The following MINDY3 variants were observed in gnomAD, a reference collection of about 807,000 sequenced individuals.
MINDY3 encodes ubiquitin carboxyl-terminal hydrolase MINDY-3.
In MINDY3, 38 loss-of-function variants were observed where a neutral mutation model predicts 69.2. That is an observed-to-expected ratio of 0.55 (90% CI 0.42 to 0.72). The LOEUF is 0.72. Among genes scored for constraint, MINDY3 ranks in the 30% least tolerant of loss-of-function variants. MINDY3 has a pLI of 0.00. For missense variants in MINDY3, 522 were observed against 519.0 expected (o/e 1.01, Z -0.06); for synonymous variants, 192 against 180.1 (o/e 1.07, Z -0.53).
intron 10 of MINDY3, among the ~76,000 whole-genome samples, chr10:15,806,722 G>C (rs76598581): frequency 0.035 from 5,292 of 152,198 alleles, 316 homozygotes; most frequent in African/African-American, 0.12. Context: ...TCAACCTTTG[G>C]TTTCATCTTA....
chr10:15,833,529 T>G (rs910158201), intron 8 of MINDY3, 101 bp downstream of exon 8: 3 of 710,664 alleles, frequency 4.2e-6, no homozygotes, highest in African/African-American at 3.6e-5. Flanking sequence ...ACACTTAACC[T>G]CTAGGTAATG....
At chr10:15,837,426 A>T (rs1043070728) in intron 5 of MINDY3, 108 bp from the exon 6 acceptor site, 1 of 1,246,122 alleles carries the variant, frequency 8.0e-7, no homozygotes, top group Non-Finnish European at 1.1e-6. Flanking sequence ...ACATACAAAC[A>T]GGAAAGTTTT....
chr10:15,838,923 C>G (rs976989759), intron 4 of MINDY3, among the ~76,000 whole-genome samples: 3 of 151,674 alleles, frequency 2.0e-5, no homozygotes, highest in African/African-American at 7.2e-5. Context: ...CCCTACATGT[C>G]TTACCTCATT....
chr10:15,845,423 G>T (rs1833761560), intron 2 of MINDY3, among the ~76,000 whole-genome samples: 1 of 152,066 alleles, frequency 6.6e-6, no homozygotes, highest in African/African-American at 2.4e-5. Flanking sequence ...CTCACTTCTG[G>T]TCTCCTTAAT....
chr10:15,782,151 A>G lies in MINDY3; in HGVS notation c.1188+4T>C. 1.9e-6 allele frequency: 3 copies of G among 1,602,186 alleles called. No individual in the cohort carries two copies. The highest frequency in any genetic ancestry group is 1.7e-6 in the Non-Finnish European group (2 of 1,170,604). On this transcript the variant is annotated splice_donor_region_variant and intron_variant, in intron 14 of 14. Transcript: ENST00000277632. Reference sequence around the variant, plus strand: ...AACACCGACGACTACGTGAATTATCATACCTTTTCATTATAATTTGACTGC... The same window carrying G: ...AACACCGACGACTACGTGAATTATCGTACCTTTTCATTATAATTTGACTGC...
chr10:15,847,028 G>T (rs1833899152), intron 2 of MINDY3, among the ~76,000 whole-genome samples: 1 of 151,932 alleles, frequency 6.6e-6, no homozygotes, highest in Non-Finnish European at 1.5e-5. Flanking sequence ...TGGCCAGAAT[G>T]CATTCTTAAT....
At chr10:15,851,627 C>T (rs769904239) in intron 1 of MINDY3, among the ~76,000 whole-genome samples, 4 of 152,046 alleles carry the variant, frequency 2.6e-5, no homozygotes, top group Non-Finnish European at 4.4e-5. Flanking sequence ...CATCCCATCT[C>T]CAGTCCACCC....
chr10:15,781,702 G>A (rs189843407), intron 14 of MINDY3, among the ~76,000 whole-genome samples: 17 of 152,174 alleles, frequency 1.1e-4, no homozygotes, highest in African/African-American at 4.1e-4. Flanking sequence ...TCCTTCATAA[G>A]GTGCTGTGAA....
rs781155133 is a variant in MINDY3, at chr10:15,847,928, T to C, written c.110A>G (p.Glu37Gly). 9.3e-6 allele frequency: 15 copies of C among 1,613,844 alleles called. No homozygotes were observed. The highest frequency in any genetic ancestry group is 1.7e-4 in the Middle Eastern group (1 of 6,058). ...CRWTQGFVFS[E>G]SEGSALEQFE... The stretch of plus-strand genomic sequence containing the variant: ...CTGTTCTAATGCAGATCCCTCTGAT[T>C]CACTAAACACAAACCCTAAAAATGA... Residue 37 changes from glutamate to glycine, a missense_variant, in exon 2 of 15, where the codon GAA (glutamate) becomes GGA (glycine). Transcript: ENST00000277632.
At chr10:15,835,219 A>G (rs1160109861) in intron 6 of MINDY3, among the ~76,000 whole-genome samples, 1 of 152,096 alleles carries the variant, frequency 6.6e-6, no homozygotes, top group Non-Finnish European at 1.5e-5. Flanking sequence ...TTAAACCTTC[A>G]GAAGGGCACT....
intron 1 of MINDY3, among the ~76,000 whole-genome samples, chr10:15,849,670 T>C (rs1009629330): frequency 1.2e-4 from 19 of 152,176 alleles, no homozygotes; most frequent in Non-Finnish European, 2.1e-4. Flanking sequence ...CTGAAGTTTC[T>C]AGTTTGAGAC....
intron 10 of MINDY3, among the ~76,000 whole-genome samples, chr10:15,806,975 T>C (rs189769849): frequency 7.2e-5 from 11 of 152,264 alleles, no homozygotes; most frequent in African/African-American, 2.6e-4. Context: ...GTTAAATGCA[T>C]AGCTCAGAAG....
chr10:15,851,092 T>A (rs756637511), intron 1 of MINDY3, among the ~76,000 whole-genome samples: 3 of 152,208 alleles, frequency 2.0e-5, no homozygotes, highest in Non-Finnish European at 2.9e-5. Flanking sequence ...TCTGAAATGC[T>A]GACCACAAAC....
intron 1 of MINDY3, among the ~76,000 whole-genome samples, chr10:15,848,865 A>T (rs1437048091): frequency 2.0e-5 from 3 of 152,062 alleles, no homozygotes; most frequent in Non-Finnish European, 4.4e-5. Flanking sequence ...CAGTGTTCTC[A>T]TTAAAATAAT....
intron 14 of MINDY3, among the ~76,000 whole-genome samples, chr10:15,781,549 ATG>A (rs538302786): frequency 1.3e-5 from 2 of 152,172 alleles, no homozygotes; most frequent in Admixed American, 6.5e-5. Context: ...TGAATCACCT[ATG>A]TGCTTTGTCA....
chr10:15,845,080 TGTTTCTCTTAGA>T (rs1833733775), intron 2 of MINDY3, among the ~76,000 whole-genome samples: 1 of 146,014 alleles, frequency 6.8e-6, no homozygotes, highest in Non-Finnish European at 1.6e-5. Flanking sequence ...TGGAAGTCTC[TGTTTCTCTTAGA>T]GTGTTGATGA....
chr10:15,821,539 A>G (rs756461451), intron 9 of MINDY3, 117 bp downstream of exon 9: 112 of 661,548 alleles, frequency 1.7e-4, no homozygotes, highest in Non-Finnish European at 2.6e-4. Context: ...AAGGAAGAAG[A>G]GAGCGGTACT....
intron 6 of MINDY3, among the ~76,000 whole-genome samples, chr10:15,835,266 G>C (rs1336091195): frequency 6.6e-6 from 1 of 152,020 alleles, no homozygotes; most frequent in African/African-American, 2.4e-5. Flanking sequence ...ATAAGTACAA[G>C]AAGACCTACT....
chr10:15,791,743 G>A (rs745596206), intron 11 of MINDY3, among the ~76,000 whole-genome samples: 4 of 152,080 alleles, frequency 2.6e-5, no homozygotes, highest in African/African-American at 2.4e-5. Flanking sequence ...GCAAAGGAGC[G>A]CTGATGAAGG....
Sources: allele counts gnomAD v4.1 joint callset (sites outside exome capture counted in the v4.1 genomes callset), GRCh38; gene constraint gnomAD v4.1.1; transcripts MANE v1.5; gene names NCBI Gene and HGNC (gene_info 2026-07-23, HGNC 2026-07-21).